VPS13D: variants seen among roughly 807,000 people sequenced by gnomAD.
VPS13D encodes the protein vacuolar protein sorting 13 homolog D, also known as intermembrane lipid transfer protein VPS13D.
VPS13D carries 187 observed loss-of-function variants against 461.9 expected under a neutral mutation model. That is an observed-to-expected ratio of 0.40 (90% CI 0.36 to 0.46). VPS13D has a LOEUF of 0.46. VPS13D is among the 20% of genes least tolerant of loss of function. VPS13D has a pLI of 0.60. For missense variants in VPS13D, 4,711 were observed against 5,364.9 expected, an observed-to-expected ratio of 0.88 and a Z score of 3.81; for synonymous variants, 1,951 against 1,986.3, an observed-to-expected ratio of 0.98 and a Z score of 0.47.
intron 50 of VPS13D, 41 bp downstream of exon 50, chr1:12,358,642 G>A: frequency 6.8e-6 from 11 of 1,608,484 alleles, no homozygotes; most frequent in Non-Finnish European, 8.5e-6. Context: ...AGAACCATTG[G>A]CCGATGACCT....
At chr1:12,422,808 A>C (rs1644879505) in intron 65 of VPS13D, among the ~76,000 whole-genome samples, 1 of 150,092 alleles carries the variant, frequency 6.7e-6, no homozygotes, top group Non-Finnish European at 1.5e-5. Context: ...TAGAGGTGAC[A>C]GGGGTGGATC....
At chr1:12,470,085 A>T (rs1645542698) in intron 67 of VPS13D, among the ~76,000 whole-genome samples, 1 of 152,224 alleles carries the variant, frequency 6.6e-6, no homozygotes, top group South Asian at 2.1e-4. Context: ...TTAACACCAG[A>T]GACAATTCCT....
rs145269542 is a variant in VPS13D, at chr1:12,276,695, G to A, written c.3107G>A (p.Arg1036Gln). ...TTTGATATTCCAACGGGAAGCCTTC[G>A]GGATAGCAGGGCCCAGTCTCCTGTC... is the stretch of plus-strand genomic sequence containing the variant. ...LSFDIPTGSL[R>Q]DSRAQSPVSG... Residue 1036 changes from arginine (R) to glutamine (Q), a missense_variant, in exon 19 of 70, where the codon CGG (arginine) becomes CAG (glutamine). Coordinates refer to ENST00000620676, the MANE Select transcript of VPS13D (RefSeq NM_015378.4). This position sits in a 1 kb window ranked among gnomAD's most constrained non-coding sequence, Gnocchi z 4.5. 64 of 1,613,960 alleles carry A rather than the reference G, an allele frequency of 4.0e-5. No individual in the cohort carries two copies. Among genetic ancestry groups the A allele is most frequent in the Admixed American group, 3.0e-4 (18 of 59,998 alleles).
intron 67 of VPS13D, among the ~76,000 whole-genome samples, chr1:12,466,222 A>T (rs184541289): frequency 6.6e-6 from 1 of 152,026 alleles, no homozygotes; most frequent in Non-Finnish European, 1.5e-5. Context: ...GCTTTTAATT[A>T]CTCTGCTCTG....
chr1:12,356,665 A>C (rs1643888409), intron 49 of VPS13D, 141 bp downstream of exon 49: 3 of 1,126,038 alleles, frequency 2.7e-6, no homozygotes, highest in Middle Eastern at 3.1e-4. Flanking sequence ...ACCATGACCT[A>C]ATGGGATTTT....
chr1:12,425,378 G>A (rs1280770941), intron 65 of VPS13D, among the ~76,000 whole-genome samples: 1 of 152,002 alleles, frequency 6.6e-6, no homozygotes, highest in Admixed American at 6.6e-5. Flanking sequence ...ACCCAACATG[G>A]TGAAACCCCA....
intron 57 of VPS13D, 116 bp downstream of exon 57, chr1:12,379,712 A>G (rs929392345): frequency 3.2e-6 from 2 of 634,036 alleles, no homozygotes; most frequent in African/African-American, 3.8e-5. Flanking sequence ...TTACAGAGCA[A>G]TACTTATTCT....
intron 67 of VPS13D, among the ~76,000 whole-genome samples, chr1:12,474,895 G>A (rs751267169): frequency 5.9e-5 from 9 of 152,112 alleles, no homozygotes; most frequent in African/African-American, 1.4e-4. Flanking sequence ...TAAGTACAAC[G>A]CACTGTAGTG....
chr1:12,463,011 T>C (rs1472448544), intron 67 of VPS13D, among the ~76,000 whole-genome samples: 2 of 151,984 alleles, frequency 1.3e-5, no homozygotes, highest in African/African-American at 4.8e-5. Flanking sequence ...AGTAATTGGG[T>C]AGCCTAATTG....
At chr1:12,466,670 T>C (rs1645488188) in intron 67 of VPS13D, among the ~76,000 whole-genome samples, 1 of 151,854 alleles carries the variant, frequency 6.6e-6, no homozygotes. Flanking sequence ...TATAGAGGCA[T>C]GTATATGGTA....
At chr1:12,340,363 C>A (rs138250398) in intron 40 of VPS13D, among the ~76,000 whole-genome samples, 1 of 152,204 alleles carries the variant, frequency 6.6e-6, no homozygotes, top group Non-Finnish European at 1.5e-5. Flanking sequence ...ATATCTTAGA[C>A]TCCCCTGAAC....
chr1:12,325,234 T>A, intron 35 of VPS13D, among the ~76,000 whole-genome samples: 1 of 151,922 alleles, frequency 6.6e-6, no homozygotes, highest in East Asian at 1.9e-4. Flanking sequence ...TCTTTACACT[T>A]GTGTGCACTT....
chr1:12,485,876 G>A (rs566868294), intron 67 of VPS13D, among the ~76,000 whole-genome samples: 4 of 152,152 alleles, frequency 2.6e-5, no homozygotes, highest in East Asian at 1.9e-4. Flanking sequence ...GTTGACCGTC[G>A]CAGCACCAGG....
At chr1:12,326,914 A>T (rs1315249172) in intron 35 of VPS13D, among the ~76,000 whole-genome samples, 2 of 152,106 alleles carry the variant, frequency 1.3e-5, no homozygotes, top group African/African-American at 4.8e-5. Flanking sequence ...AAGTGCTGGG[A>T]TTACAGGTGT....
intron 25 of VPS13D, among the ~76,000 whole-genome samples, chr1:12,302,819 T>C (rs1642461658): frequency 6.6e-6 from 1 of 151,392 alleles, no homozygotes; most frequent in African/African-American, 2.4e-5. Flanking sequence ...TTAAGGCCCA[T>C]TGAAAAGAAT....
At chr1:12,295,093 ATGTGTCTGTAG>A (rs1642238321) in intron 24 of VPS13D, among the ~76,000 whole-genome samples, 5 of 151,682 alleles carry the variant, frequency 3.3e-5, no homozygotes, top group African/African-American at 1.2e-4. Context: ...GTGGTGAGGC[ATGTGTCTGTAG>A]TCCCAGGTAC....
At chr1:12,480,426 C>T (rs1052921641) in intron 67 of VPS13D, among the ~76,000 whole-genome samples, 4 of 152,166 alleles carry the variant, frequency 2.6e-5, no homozygotes, top group African/African-American at 9.7e-5. Flanking sequence ...GGAGAAGAGA[C>T]TAAATGGCTG....
At chr1:12,474,521 T>G (rs1446578844) in intron 67 of VPS13D, among the ~76,000 whole-genome samples, 1 of 152,126 alleles carries the variant, frequency 6.6e-6, no homozygotes, top group East Asian at 1.9e-4. Flanking sequence ...GCTAAGCGTT[T>G]AAGAGGAAAA....
At chr1:12,454,778 T>G (rs1645304308) in intron 65 of VPS13D, among the ~76,000 whole-genome samples, 1 of 152,242 alleles carries the variant, frequency 6.6e-6, no homozygotes, top group Non-Finnish European at 1.5e-5. Flanking sequence ...GCAGCTTGCC[T>G]TGAGGCTTTC....
Sources: allele counts gnomAD v4.1 joint callset (sites outside exome capture counted in the v4.1 genomes callset), GRCh38; gene constraint gnomAD v4.1.1; non-coding constraint Gnocchi (gnomAD v3.1); transcripts MANE v1.5; gene names NCBI Gene and HGNC (gene_info 2026-07-23, HGNC 2026-07-21).